The following RNF152 variants were observed in gnomAD, a reference collection of about 807,000 sequenced individuals.
The protein encoded by RNF152 is E3 ubiquitin-protein ligase RNF152.
In RNF152, 11 loss-of-function variants were observed where a neutral mutation model predicts 12.7. The ratio of observed to expected loss-of-function variants is 0.86; its 90% confidence interval spans 0.54 to 1.43. The LOEUF (loss-of-function observed/expected upper bound fraction) is 1.43. Ranked by LOEUF, RNF152 falls within the 40% of genes most tolerant of loss-of-function variation. The pLI, the probability that RNF152 is intolerant of heterozygous loss-of-function variation, is 0.00. For missense variants in RNF152, 255 were observed against 274.8 expected (o/e 0.93, Z 0.51); for synonymous variants, 113 against 120.3 (o/e 0.94, Z 0.40).
chr18:61,856,477 TC>T (rs1911231145), intron 1 of RNF152, among the ~76,000 whole-genome samples: 1 of 152,074 alleles, frequency 6.6e-6, no homozygotes, highest in African/African-American at 2.4e-5. Context: ...GGGAAGACAG[TC>T]TTGAGATGCA....
Position 61,848,389 on chromosome 18 carries a change from G to A in RNF152, c.-135-31791C>T, listed in dbSNP as rs541822721. ...AATGATTCCATAGCCTCAAAGAGAA[G>A]CTCTAGGTTTATATGTCAAATATAA... On this transcript the variant is annotated intron_variant, in intron 1 of 1. Coordinates refer to ENST00000312828, the MANE Select transcript of RNF152 (RefSeq NM_173557.3). 9.5e-4 allele frequency among the ~76,000 whole-genome samples: 145 copies of A among 152,178 alleles called. 3 individuals carry two copies. In the South Asian group the frequency reaches 0.03, roughly 31 times the overall value.
At chr18:61,864,848 G>A (rs1292040213) in intron 1 of RNF152, among the ~76,000 whole-genome samples, 3 of 152,114 alleles carry the variant, frequency 2.0e-5, no homozygotes, top group East Asian at 1.9e-4. Context: ...GTGAAACCCC[G>A]TTTCTACTAA....
intron 1 of RNF152, among the ~76,000 whole-genome samples, chr18:61,826,107 T>A (rs1289626939): frequency 6.6e-6 from 1 of 152,204 alleles, no homozygotes; most frequent in Admixed American, 6.5e-5. Context: ...CAAGGCTATG[T>A]TCTGTGGGGA....
intron 1 of RNF152, among the ~76,000 whole-genome samples, chr18:61,849,934 G>A (rs1270484939): frequency 6.6e-6 from 1 of 152,108 alleles, no homozygotes; most frequent in African/African-American, 2.4e-5. Context: ...GTGACCTGAG[G>A]CAATTCTCAT....
chr18:61,889,571 C>T (rs1912856621), intron 1 of RNF152, among the ~76,000 whole-genome samples: 1 of 152,180 alleles, frequency 6.6e-6, no homozygotes, highest in Non-Finnish European at 1.5e-5. Flanking sequence ...CCCTCCTAGT[C>T]AATACAGTTG....
chr18:61,859,249 C>A (rs117878853), intron 1 of RNF152, among the ~76,000 whole-genome samples: 4 of 152,200 alleles, frequency 2.6e-5, no homozygotes, highest in African/African-American at 9.7e-5. Flanking sequence ...GTCCTTCCCA[C>A]GGGTACCATC....
chr18:61,836,334 C>T (rs933603278), intron 1 of RNF152, among the ~76,000 whole-genome samples: 3 of 152,002 alleles, frequency 2.0e-5, no homozygotes, highest in South Asian at 4.2e-4. Flanking sequence ...TGCTATAGGC[C>T]GAATGTCTGT....
chr18:61,876,952 A>T (rs1441937219), intron 1 of RNF152, among the ~76,000 whole-genome samples: 1 of 152,352 alleles, frequency 6.6e-6, no homozygotes, highest in East Asian at 1.9e-4. Flanking sequence ...TGACCATTGT[A>T]TCCTCAAGCC....
At chr18:61,828,950 G>A (rs1008892557) in intron 1 of RNF152, among the ~76,000 whole-genome samples, 1 of 152,138 alleles carries the variant, frequency 6.6e-6, no homozygotes, top group African/African-American at 2.4e-5. Flanking sequence ...ACCTATGTCT[G>A]TCTGGGGCAT....
chr18:61,861,152 T>C (rs2144716318), intron 1 of RNF152, among the ~76,000 whole-genome samples: 1 of 152,348 alleles, frequency 6.6e-6, no homozygotes, highest in East Asian at 1.9e-4. Context: ...ACTGTGTTTG[T>C]AAAGTCTACA....
chr18:61,813,475 C>T lies in RNF152; in HGVS notation c.*2377G>A, dbSNP rs1256075087. On this transcript the variant is annotated 3_prime_UTR_variant, in exon 2 of 2. Transcript: ENST00000312828. ...TTAAGGTCAAGAATCTACCATACAG[C>T]CGATTAATTTTGCACTGCTTAATGG... 3 of 152,120 alleles carry T rather than the reference C, an allele frequency of 2.0e-5. No individual in the cohort carries two copies. The highest frequency in any genetic ancestry group is 3.8e-4 in the East Asian group (2 of 5,196). The allele number at this position is 152,120 out of a possible 1,614,324, so 9.4% of individuals were successfully genotyped here. A position where few individuals can be genotyped will look rare whatever the true frequency, so the allele number is the denominator to read the frequency against.
chr18:61,831,185 T>C (rs1254960426), intron 1 of RNF152, among the ~76,000 whole-genome samples: 1 of 152,224 alleles, frequency 6.6e-6, no homozygotes, highest in Non-Finnish European at 1.5e-5. Context: ...TAGAAGCGGT[T>C]CTGTGCACCA....
chr18:61,863,253 T>C (rs889318752), intron 1 of RNF152, among the ~76,000 whole-genome samples: 81 of 151,816 alleles, frequency 5.3e-4, no homozygotes, highest in African/African-American at 1.9e-3. Context: ...GCTAACACAG[T>C]GAAATCCCAT....
In RNF152 at chr18:61,812,174, T is replaced by A. The variant is rs558264627; in HGVS notation, c.*3678A>T. The stretch of plus-strand genomic sequence containing the variant: ...TTCAATATGGCAGCCACTAGACACA[T>A]AGGGCTATTTAAATTTAAGCTAATT... On this transcript the variant is annotated 3_prime_UTR_variant, in exon 2 of 2. Transcript: ENST00000312828. 94 of 152,308 alleles carry A rather than the reference T, an allele frequency of 6.2e-4. No individual in the cohort carries two copies. The highest frequency in any genetic ancestry group is 2.2e-3 in the African/African-American group (93 of 41,564). 9.4% of individuals were successfully genotyped at this position (152,308 alleles called of 1,614,324 possible).
intron 1 of RNF152, among the ~76,000 whole-genome samples, chr18:61,874,585 G>T (rs1225476533): frequency 6.6e-6 from 1 of 152,170 alleles, no homozygotes; most frequent in East Asian, 1.9e-4. Context: ...TTTGCTGAAG[G>T]TGGCAGTACA....
intron 1 of RNF152, among the ~76,000 whole-genome samples, chr18:61,889,100 T>C (rs1055671417): frequency 1.3e-5 from 2 of 152,172 alleles, no homozygotes; most frequent in African/African-American, 4.8e-5. Context: ...ATCTGGTTCT[T>C]CCTGCTGGTC....
chr18:61,818,661 A>G (rs764602229), intron 1 of RNF152, among the ~76,000 whole-genome samples: 29 of 152,258 alleles, frequency 1.9e-4, no homozygotes, highest in Non-Finnish European at 3.5e-4. Flanking sequence ...TGGAATATCT[A>G]TTATGCACAA....
rs998226277 is a variant in RNF152 at position 61,842,853 on chromosome 18, A to G, written c.-135-26255T>C. Among the ~76,000 whole-genome samples the G allele has an allele frequency of 4.6e-5, 7 of 152,314 alleles. No homozygotes were observed. The East Asian group carries it at 1.2e-3, about 25-fold the overall frequency. On this transcript the variant is annotated intron_variant, in intron 1 of 1. Transcript: ENST00000312828. ...CTCAGGAAACCCATTCACTATCACA[A>G]GAACAGCACGGGAAAGACCCGCCCT...
chr18:61,809,170 C>G lies in RNF152; in HGVS notation c.*6682G>C, dbSNP rs185484246. ...CCCTCTTTGGGTATATCTGCCTGTC[C>G]CTTCACATAGACCCAGTGCTTCATG... On this transcript the variant is annotated 3_prime_UTR_variant, in exon 2 of 2. Coordinates refer to ENST00000312828, the MANE Select transcript of RNF152 (RefSeq NM_173557.3). The G allele has an allele frequency of 5.3e-5, 8 of 152,188 alleles. No individual in the cohort carries two copies. The East Asian group carries it at 1.5e-3, about 29-fold the overall frequency. The allele number at this position is 152,188 out of a possible 1,614,324, so 9.4% of individuals were successfully genotyped here.
Sources: allele counts gnomAD v4.1 joint callset (sites outside exome capture counted in the v4.1 genomes callset), GRCh38; gene constraint gnomAD v4.1.1; transcripts MANE v1.5; gene names NCBI Gene and HGNC (gene_info 2026-07-23, HGNC 2026-07-21).